ZC3H12B: variants seen among roughly 807,000 people sequenced by gnomAD.
The protein encoded by ZC3H12B is zinc finger CCCH-type containing 12B.
A neutral mutation model predicts 43.9 loss-of-function variants in ZC3H12B; 7 were observed. That is an observed-to-expected ratio of 0.16 (90% CI 0.09 to 0.30). ZC3H12B has a LOEUF of 0.30. Among genes scored for constraint, ZC3H12B ranks in the 10% least tolerant of loss-of-function variants. The pLI, the probability that ZC3H12B is intolerant of heterozygous loss-of-function variation, is 1.00. For synonymous variants in ZC3H12B, 222 were observed against 241.7 expected (o/e 0.92, Z 0.76); for missense variants, 475 against 670.2 (o/e 0.71, Z 3.22).
intron 3 of ZC3H12B, among the ~76,000 whole-genome samples, chrX:65,450,237 G>A (rs1211809244): frequency 3.0e-5 from 3 of 100,529 alleles, no homozygotes; most frequent in Non-Finnish European, 4.0e-5. Context: ...CCGGGAGTTG[G>A]AGGTTGCAGT....
the ZC3H12B span, among the ~76,000 whole-genome samples, chrX:65,046,672 T>C: frequency 8.9e-6 from 1 of 111,914 alleles, no homozygotes; most frequent in Non-Finnish European, 1.9e-5. Flanking sequence ...TTAAGAACTT[T>C]TCCTTTACAT....
chrX:65,267,509 G>A, the ZC3H12B span, among the ~76,000 whole-genome samples: 1 of 109,394 alleles, frequency 9.1e-6, no homozygotes, highest in African/African-American at 3.3e-5. Flanking sequence ...GGGAAAAAAG[G>A]AAAAAAAATG....
intron 2 of ZC3H12B, among the ~76,000 whole-genome samples, chrX:65,396,637 T>C (rs2066702050): frequency 9.0e-6 from 1 of 110,867 alleles, no homozygotes; most frequent in African/African-American, 3.3e-5. Flanking sequence ...TGGTTGATTT[T>C]AGAGTAAGTG....
chrX:65,381,475 G>A (rs1387370288), intron 2 of ZC3H12B, among the ~76,000 whole-genome samples: 1 of 111,167 alleles, frequency 9.0e-6, no homozygotes, highest in Non-Finnish European at 1.9e-5. Context: ...GAAATTTATA[G>A]CACTAAATGT....
the ZC3H12B span, among the ~76,000 whole-genome samples, chrX:65,171,885 T>C: frequency 9.0e-6 from 1 of 110,925 alleles, no homozygotes; most frequent in Admixed American, 9.6e-5. Flanking sequence ...GCTAAGACCA[T>C]TGGAAATGCA....
At chrX:65,452,454 C>T (rs1165791218) in intron 3 of ZC3H12B, among the ~76,000 whole-genome samples, 1 of 108,655 alleles carries the variant, frequency 9.2e-6, no homozygotes, top group Non-Finnish European at 1.9e-5. Flanking sequence ...AAAAAAAACA[C>T]TTGGGAATAT....
In ZC3H12B at chrX:65,389,417, G is replaced by A. The variant is rs778462158; in HGVS notation, n.296-9176G>A. ...GCTAGCAGTGAGCGGGGCTCCATGGGCGTAGGACTCTCCAAGCCAGGCACG... is the reference window on the plus strand; with the variant it reads ...GCTAGCAGTGAGCGGGGCTCCATGGACGTAGGACTCTCCAAGCCAGGCACG... On this transcript the variant is annotated intron_variant and non_coding_transcript_variant, in intron 2 of 5. Transcript: ENST00000617377. 6.2e-5 allele frequency among the ~76,000 whole-genome samples: 7 copies of A among 112,541 alleles called. No individual in the cohort carries two copies. In the East Asian group the frequency reaches 2.0e-3, roughly 31 times the overall value.
the ZC3H12B span, among the ~76,000 whole-genome samples, chrX:65,146,011 TATTTTG>T: frequency 2.1e-4 from 24 of 111,745 alleles, no homozygotes; most frequent in Admixed American, 7.6e-4. Context: ...GTGCTTCTTG[TATTTTG>T]ATGTCTAGGT....
the ZC3H12B span, among the ~76,000 whole-genome samples, chrX:65,148,076 G>A: frequency 8.1e-5 from 9 of 111,055 alleles, no homozygotes; most frequent in East Asian, 2.6e-3. Context: ...TGGAGAATGG[G>A]GCTACAGGGG....
the ZC3H12B span, among the ~76,000 whole-genome samples, chrX:65,223,754 C>T: frequency 8.9e-6 from 1 of 111,944 alleles, no homozygotes; most frequent in South Asian, 3.7e-4. Context: ...AAATGCAAAT[C>T]AAAACCACAA....
At chrX:65,148,184 C>T in the ZC3H12B span, among the ~76,000 whole-genome samples, 17 of 111,049 alleles carry the variant, frequency 1.5e-4, no homozygotes, top group South Asian at 6.1e-3. Context: ...GCCAGGAGTG[C>T]CAATCTGATG....
At chrX:65,255,298 C>T in the ZC3H12B span, among the ~76,000 whole-genome samples, 27 of 111,592 alleles carry the variant, frequency 2.4e-4, no homozygotes, top group Non-Finnish European at 5.1e-4. Context: ...GTTAAGTCAG[C>T]TAGAGAGAAG....
the ZC3H12B span, among the ~76,000 whole-genome samples, chrX:65,197,745 G>C: frequency 8.9e-6 from 1 of 112,370 alleles, no homozygotes; most frequent in Non-Finnish European, 1.9e-5. Context: ...ACATGGAAAA[G>C]CCGCAGTCTG....
At chrX:65,383,209 A>G (rs748157167) in intron 2 of ZC3H12B, among the ~76,000 whole-genome samples, 1 of 112,213 alleles carries the variant, frequency 8.9e-6, no homozygotes, top group South Asian at 3.7e-4. Flanking sequence ...ACAATACTAC[A>G]AGGCTACAGT....
chrX:65,270,231 C>T, the ZC3H12B span, among the ~76,000 whole-genome samples: 1 of 111,551 alleles, frequency 9.0e-6, no homozygotes, highest in South Asian at 3.7e-4. Flanking sequence ...TAAATCCAAA[C>T]ACATATGATC....
At chrX:65,188,635 C>T in the ZC3H12B span, among the ~76,000 whole-genome samples, 4 of 110,501 alleles carry the variant, frequency 3.6e-5, no homozygotes, top group Non-Finnish European at 7.6e-5. Context: ...ATGTCAGTTA[C>T]ATTTATTCTT....
chrX:65,483,967 A>T (rs1446894328), upstream of ZC3H12B, among the ~76,000 whole-genome samples: 1 of 111,446 alleles, frequency 9.0e-6, no homozygotes, highest in Non-Finnish European at 1.9e-5. Context: ...ATTCCATGGT[A>T]TATATGTACC....
At chrX:65,443,692 G>A (rs1467213700) in intron 3 of ZC3H12B, among the ~76,000 whole-genome samples, 1 of 112,438 alleles carries the variant, frequency 8.9e-6, no homozygotes, top group Non-Finnish European at 1.9e-5. Context: ...TCCAGCCTGG[G>A]CGGGCCAGGT....
intron 2 of ZC3H12B, among the ~76,000 whole-genome samples, chrX:65,374,008 T>TA (rs1174587316): frequency 3.8e-5 from 1 of 26,136 alleles, no homozygotes; most frequent in Non-Finnish European, 5.6e-5. Context: ...TATATATATA[T>TA]AACTATATAT....
Sources: gnomAD v4.1 joint callset for allele counts (sites outside exome capture counted in the v4.1 genomes callset) on GRCh38, gnomAD v4.1.1 for gene constraint, MANE v1.5 for transcripts, NCBI Gene and HGNC (gene_info 2026-07-23, HGNC 2026-07-21) for gene names.